Variants in PPFIA1 observed in about 807,000 individuals in gnomAD.
PPFIA1 encodes the protein liprin-alpha-1.
Under a neutral mutation model 149.9 loss-of-function variants are expected in PPFIA1, and 25 were observed. The observed-to-expected ratio is 0.17, with a 90% CI of 0.12 to 0.23. The LOEUF is 0.23. Ranked by LOEUF, PPFIA1 falls within the 10% of genes least tolerant of loss-of-function variation. The pLI, the probability that PPFIA1 is intolerant of heterozygous loss-of-function variation, is 1.00. For missense variants in PPFIA1, 1,362 were observed against 1,506.5 expected (o/e 0.90, Z 1.59); for synonymous variants, 549 against 552.8 (o/e 0.99, Z 0.10).
chr11:70,380,296 G>A (rs999324619), intron 26 of PPFIA1, among the ~76,000 whole-genome samples: 7 of 151,914 alleles, frequency 4.6e-5, no homozygotes, highest in African/African-American at 1.5e-4. Flanking sequence ...GGCCGGGCTC[G>A]GTGGCTCACG....
intron 2 of PPFIA1, among the ~76,000 whole-genome samples, chr11:70,294,768 C>A (rs1157861334): frequency 6.6e-6 from 1 of 151,702 alleles, no homozygotes; most frequent in Non-Finnish European, 1.5e-5. Flanking sequence ...AACGAGCATG[C>A]TGCCTTCAAG....
At chr11:70,293,348 G>A (rs947420408) in intron 2 of PPFIA1, among the ~76,000 whole-genome samples, 1 of 152,198 alleles carries the variant, frequency 6.6e-6, no homozygotes, top group Non-Finnish European at 1.5e-5. Context: ...TTCATAGCAA[G>A]TGTGTGACAC....
intron 2 of PPFIA1, among the ~76,000 whole-genome samples, chr11:70,314,816 G>T (rs552747089): frequency 6.6e-5 from 10 of 152,240 alleles, no homozygotes; most frequent in Non-Finnish European, 8.8e-5. Flanking sequence ...TTCTCACACC[G>T]CTATGAAAAA....
In PPFIA1 at chr11:70,378,070, A is replaced by G. The variant is rs778234301; in HGVS notation, c.3425A>G (p.Lys1142Arg). The G allele has an allele frequency of 2.5e-6, 4 of 1,614,084 alleles. No individual in the cohort carries two copies. The highest frequency in any genetic ancestry group is 3.4e-6 in the Non-Finnish European group (4 of 1,179,978). The change falls in exon 26 of 28, where the codon AAA becomes AGA. Residue 1142 changes from lysine (K) to arginine (R), a missense_variant. Physicochemically the swap from Lys to Arg is conservative, Grantham distance 26 (BLOSUM62 2). This residue lies in a region of PPFIA1 where 349 missense variants were observed against 373.3 expected (regional missense o/e 0.93). Transcript: ENST00000253925. ...TTTAGGAGAGCACCTTCATGGAGAA[A>G]AAAGTTTAGACCAAAGGACATTCGT... ...KSFRRAPSWR[K>R]KFRPKDIRGL...
chr11:70,379,468 A>AG (rs1208432541), intron 26 of PPFIA1, among the ~76,000 whole-genome samples: 1 of 151,804 alleles, frequency 6.6e-6, no homozygotes, highest in Non-Finnish European at 1.5e-5. Flanking sequence ...AAAAAAAAAA[A>AG]AAATTTTTTT....
In PPFIA1 at chr11:70,362,274, C is replaced by G. The variant is rs2135232384; in HGVS notation, c.2665-14C>G. 2 of 1,613,968 alleles carry G rather than the reference C, an allele frequency of 1.2e-6. No homozygotes were observed. Among genetic ancestry groups the G allele is most frequent in the East Asian group, 4.5e-5 (2 of 44,888 alleles). ...ACCTCACTGTGCTGCCTTCCTTCCGCTTTCCGCCTCCAGCTCTGGGTTGGG... is the reference window on the plus strand; with the variant it reads ...ACCTCACTGTGCTGCCTTCCTTCCGGTTTCCGCCTCCAGCTCTGGGTTGGG... On this transcript the variant is annotated splice_polypyrimidine_tract_variant and intron_variant, in intron 20 of 27. Transcript: ENST00000253925.
At chr11:70,370,594 C>G (rs1347950202) in intron 21 of PPFIA1, among the ~76,000 whole-genome samples, 1 of 151,836 alleles carries the variant, frequency 6.6e-6, no homozygotes, top group East Asian at 1.9e-4. Flanking sequence ...ACTATGTTGG[C>G]GAGGCTGGTG....
intron 14 of PPFIA1, 57 bp from the exon 15 acceptor site, chr11:70,343,612 G>A: frequency 6.8e-7 from 1 of 1,469,354 alleles, no homozygotes; most frequent in Non-Finnish European, 9.5e-7. Flanking sequence ...ATAGATTTAT[G>A]TTTCTACAAC....
intron 2 of PPFIA1, among the ~76,000 whole-genome samples, chr11:70,293,942 C>CTCTT (rs1555084114): frequency 3.4e-4 from 44 of 128,132 alleles, no homozygotes; most frequent in African/African-American, 1.3e-3. Context: ...CTCTCTCTCT[C>CTCTT]TTTTTTTTTT....
At chr11:70,318,747 A>G (rs1452599375) in intron 2 of PPFIA1, among the ~76,000 whole-genome samples, 1 of 152,218 alleles carries the variant, frequency 6.6e-6, no homozygotes, top group Non-Finnish European at 1.5e-5. Context: ...AGTCCGACCA[A>G]CAAGCATCAG....
chr11:70,283,858 G>T, intron 2 of PPFIA1: 2 of 456,674 alleles, frequency 4.4e-6, no homozygotes. Context: ...CTAGGGCAGG[G>T]ATGCTCCTAA....
At chr11:70,296,528 G>A (rs1439614985) in intron 2 of PPFIA1, among the ~76,000 whole-genome samples, 1 of 152,052 alleles carries the variant, frequency 6.6e-6, no homozygotes, top group Non-Finnish European at 1.5e-5. Context: ...AAAAAAATAC[G>A]AAAACCAGTC....
intron 2 of PPFIA1, among the ~76,000 whole-genome samples, chr11:70,276,816 A>G (rs2136020913): frequency 6.6e-6 from 1 of 152,048 alleles, no homozygotes; most frequent in Admixed American, 6.6e-5. Flanking sequence ...AGTGGTTTGT[A>G]ATCCTTATTA....
At chr11:70,360,774 T>C (rs2056602861) in intron 19 of PPFIA1, among the ~76,000 whole-genome samples, 1 of 152,254 alleles carries the variant, frequency 6.6e-6, no homozygotes, top group South Asian at 2.1e-4. Context: ...ATATCAAATT[T>C]TTAAAAATAA....
At chr11:70,295,862 G>T (rs547355379) in intron 2 of PPFIA1, among the ~76,000 whole-genome samples, 1 of 149,824 alleles carries the variant, frequency 6.7e-6, no homozygotes, top group Non-Finnish European at 1.5e-5. Context: ...GCTGCTGGGC[G>T]GAGGGGCTCC....
At chr11:70,282,210 C>T (rs746238160) in intron 2 of PPFIA1, among the ~76,000 whole-genome samples, 10 of 152,194 alleles carry the variant, frequency 6.6e-5, no homozygotes, top group Non-Finnish European at 5.9e-5. Flanking sequence ...TGGGCTGTTC[C>T]ACCCTGCTGT....
chr11:70,319,617 G>A (rs2053821765), intron 2 of PPFIA1, among the ~76,000 whole-genome samples: 1 of 152,124 alleles, frequency 6.6e-6, no homozygotes, highest in Non-Finnish European at 1.5e-5. Flanking sequence ...GCTAATGACT[G>A]ACTGAGACTT....
At chr11:70,273,181 GCATGAGAATCACTTGAA>G (rs1171522631) in intron 2 of PPFIA1, among the ~76,000 whole-genome samples, 1 of 152,098 alleles carries the variant, frequency 6.6e-6, no homozygotes, top group African/African-American at 2.4e-5. Flanking sequence ...AGAGGCTGAG[GCATGAGAATCACTTGAA>G]CCCGGGAGGT....
At chr11:70,330,351 T>A in intron 8 of PPFIA1, 32 bp downstream of exon 8, 1 of 1,519,328 alleles carries the variant, frequency 6.6e-7, no homozygotes, top group Non-Finnish European at 8.8e-7. Flanking sequence ...TGTCTGGCTT[T>A]AGTTAATTAT....
Sources: allele counts gnomAD v4.1 joint callset (sites outside exome capture counted in the v4.1 genomes callset), GRCh38; gene constraint gnomAD v4.1.1; regional missense constraint gnomAD v4.1.1; transcripts MANE v1.5; gene names NCBI Gene and HGNC (gene_info 2026-07-23, HGNC 2026-07-21).